Variants in CRIM1 observed in about 807,000 individuals in gnomAD.
CRIM1 encodes the protein cysteine rich transmembrane BMP regulator 1.
Under a neutral mutation model 116.4 loss-of-function variants are expected in CRIM1, and 32 were observed. The observed-to-expected ratio is 0.27, with a 90% CI of 0.21 to 0.37. The LOEUF is 0.37. Ranked by LOEUF, CRIM1 falls within the 10% of genes least tolerant of loss-of-function variation. The pLI is 1.00. For missense variants in CRIM1, 1,331 were observed against 1,354.8 expected (o/e 0.98, Z 0.28); for synonymous variants, 590 against 509.2 (o/e 1.16, Z -2.13).
At chr2:36,418,859 C>T (rs1409958727) in intron 2 of CRIM1, among the ~76,000 whole-genome samples, 3 of 152,190 alleles carry the variant, frequency 2.0e-5, no homozygotes, top group Non-Finnish European at 4.4e-5. Context: ...CCCTAGGCAC[C>T]TTCCTTGCCC....
chr2:36,543,148 G>C (rs888980151), intron 14 of CRIM1, among the ~76,000 whole-genome samples: 2 of 151,902 alleles, frequency 1.3e-5, no homozygotes, highest in African/African-American at 4.8e-5. Context: ...AGATAACTTG[G>C]GCTTTGGAAT....
rs1667702110 is a variant in CRIM1 at position 36,550,609 on chromosome 2, A to G, written c.*1908A>G. The G allele has an allele frequency of 6.6e-6, 1 of 152,460 alleles. No homozygotes were observed. Among genetic ancestry groups the G allele is most frequent in the Non-Finnish European group, 1.5e-5 (1 of 67,996 alleles). The allele number at this position is 152,460 out of a possible 1,614,324, so 9.4% of individuals were successfully genotyped here. A position where few individuals can be genotyped will look rare whatever the true frequency, so the allele number is the denominator to read the frequency against. Reference sequence around the variant, plus strand: ...TGAAGATTAACCATTTTTTTGTCTTAGAATATCAAAAAGAAAAAGAAAAAG... The same window carrying G: ...TGAAGATTAACCATTTTTTTGTCTTGGAATATCAAAAAGAAAAAGAAAAAG... On this transcript the variant is annotated 3_prime_UTR_variant, in exon 17 of 17. Coordinates refer to ENST00000280527, the MANE Select transcript of CRIM1 (RefSeq NM_016441.3).
At chr2:36,428,893 A>C (rs1181898024) in intron 2 of CRIM1, among the ~76,000 whole-genome samples, 1 of 152,214 alleles carries the variant, frequency 6.6e-6, no homozygotes, top group Non-Finnish European at 1.5e-5. Flanking sequence ...ATGTTTAAAG[A>C]TACAGTCACC....
At chr2:36,357,367 C>T (rs1466001325) in intron 1 of CRIM1, among the ~76,000 whole-genome samples, 2 of 152,166 alleles carry the variant, frequency 1.3e-5, no homozygotes, top group Non-Finnish European at 2.9e-5. Flanking sequence ...CCGCGTGTTT[C>T]CTGTCGTGTT....
intron 1 of CRIM1, among the ~76,000 whole-genome samples, chr2:36,360,866 C>A (rs1325615180): frequency 6.6e-6 from 1 of 152,088 alleles, no homozygotes; most frequent in African/African-American, 2.4e-5. Context: ...AAATTAAGCT[C>A]TTGGCTTTGT....
chr2:36,433,030 C>G (rs904109550), intron 2 of CRIM1, among the ~76,000 whole-genome samples: 3 of 152,176 alleles, frequency 2.0e-5, no homozygotes, highest in Non-Finnish European at 4.4e-5. Flanking sequence ...ATTTCTGATT[C>G]TGTAGGTCTG....
rs550055385 is a variant in CRIM1, at chr2:36,508,721, T to G, written c.1502-1262T>G. 3.3e-4 allele frequency among the ~76,000 whole-genome samples: 51 copies of G among 152,344 alleles called. 1 individual carries two copies. Among genetic ancestry groups the G allele is most frequent in the African/African-American group, 1.2e-3 (48 of 41,584 alleles). ...AAGCATGCTTTTTTTCTTTTTAACC[T>G]TAAACATTTCTATTTCCCTTTTCTC... On this transcript the variant is annotated intron_variant, in intron 8 of 16. Transcript: ENST00000280527.
intron 1 of CRIM1, among the ~76,000 whole-genome samples, chr2:36,376,908 G>A (rs1463916863): frequency 6.6e-6 from 1 of 152,182 alleles, no homozygotes; most frequent in Non-Finnish European, 1.5e-5. Flanking sequence ...GTGGGATTTT[G>A]GAGTTTGTGA....
intron 1 of CRIM1, among the ~76,000 whole-genome samples, chr2:36,362,681 A>G (rs1181072779): frequency 6.6e-6 from 1 of 152,218 alleles, no homozygotes; most frequent in Non-Finnish European, 1.5e-5. Flanking sequence ...GTCAAGACAG[A>G]GGAATGGTTG....
intron 2 of CRIM1, among the ~76,000 whole-genome samples, chr2:36,418,711 A>T (rs1673817137): frequency 6.6e-6 from 1 of 152,222 alleles, no homozygotes; most frequent in Non-Finnish European, 1.5e-5. Context: ...CTCAATGGGA[A>T]ATCACATCTA....
At chr2:36,425,288 A>G (rs2124876974) in intron 2 of CRIM1, among the ~76,000 whole-genome samples, 1 of 152,342 alleles carries the variant, frequency 6.6e-6, no homozygotes, top group Non-Finnish European at 1.5e-5. Flanking sequence ...AGCAGACTAA[A>G]CATATTGATA....
intron 14 of CRIM1, among the ~76,000 whole-genome samples, chr2:36,540,635 G>A (rs1572964265): frequency 6.6e-6 from 1 of 152,164 alleles, no homozygotes; most frequent in East Asian, 1.9e-4. Flanking sequence ...AATGAAGAGT[G>A]TAGATTTTGT....
chr2:36,440,633 A>C (rs969576841), intron 2 of CRIM1, among the ~76,000 whole-genome samples: 3 of 152,250 alleles, frequency 2.0e-5, no homozygotes, highest in African/African-American at 4.8e-5. Context: ...AATAAGGTGC[A>C]TTTGATGGAG....
At chr2:36,357,063 G>C (rs1668881814) in intron 1 of CRIM1, among the ~76,000 whole-genome samples, 1 of 152,208 alleles carries the variant, frequency 6.6e-6, no homozygotes, top group Non-Finnish European at 1.5e-5. Flanking sequence ...CACGCCGGCC[G>C]CGAAAGTCCT....
At position 36,441,282 on chromosome 2, in the gene CRIM1, C is replaced by T. The variant is rs201280323; in HGVS notation, c.530C>T (p.Ala177Val). ...GAAGAGAAGCCAGATTGCTCCAAGGCCCGCTGTGAAGTCCAGTTCTCTCCA... is the reference window on the plus strand; with the variant it reads ...GAAGAGAAGCCAGATTGCTCCAAGGTCCGCTGTGAAGTCCAGTTCTCTCCA... ...IEEEKPDCSK[A>V]RCEVQFSPRC... Residue 177 changes from alanine to valine, a missense_variant, in exon 3 of 17, where the codon GCC (alanine) becomes GTC (valine). This residue lies in a region of CRIM1 where 690 missense variants were observed against 676.0 expected (regional missense o/e 1.02). Coordinates refer to ENST00000280527, the MANE Select transcript of CRIM1 (RefSeq NM_016441.3). 1 of 1,614,188 alleles carries T rather than the reference C, an allele frequency of 6.2e-7. No homozygotes were observed. The highest frequency in any genetic ancestry group is 2.2e-5 in the East Asian group (1 of 44,872).
chr2:36,530,061 A>G (rs980660117), intron 13 of CRIM1, among the ~76,000 whole-genome samples: 16 of 152,214 alleles, frequency 1.1e-4, no homozygotes, highest in African/African-American at 3.9e-4. Context: ...GCTAAAAGTT[A>G]TAAAGTAAAA....
chr2:36,478,240 G>A (rs542015895), intron 6 of CRIM1, among the ~76,000 whole-genome samples: 2 of 152,266 alleles, frequency 1.3e-5, no homozygotes, highest in South Asian at 4.1e-4. Flanking sequence ...CCCAACATAG[G>A]AGAAAAGTAG....
chr2:36,411,420 G>T (rs1040211587), intron 2 of CRIM1, among the ~76,000 whole-genome samples: 3 of 152,064 alleles, frequency 2.0e-5, no homozygotes, highest in African/African-American at 7.2e-5. Flanking sequence ...ATTCTGTATG[G>T]ATTTATAATA....
At chr2:36,373,417 A>G (rs188690070) in intron 1 of CRIM1, among the ~76,000 whole-genome samples, 1 of 152,340 alleles carries the variant, frequency 6.6e-6, no homozygotes, top group East Asian at 1.9e-4. Context: ...TCAGTGATAC[A>G]GACAGCTGGC....
Sources: gnomAD v4.1 joint callset for allele counts (sites outside exome capture counted in the v4.1 genomes callset) on GRCh38, gnomAD v4.1.1 for gene constraint, gnomAD v4.1.1 regional missense constraint, MANE v1.5 for transcripts, NCBI Gene and HGNC (gene_info 2026-07-23, HGNC 2026-07-21) for gene names.